L3MBTL4: variants seen among roughly 807,000 people sequenced by gnomAD.
L3MBTL4 encodes the protein L3MBTL histone methyl-lysine binding protein 4, also known as lethal(3)malignant brain tumor-like protein 4.
Under a neutral mutation model 84.5 loss-of-function variants are expected in L3MBTL4, and 70 were observed. The observed-to-expected ratio is 0.83, with a 90% CI of 0.68 to 1.01. L3MBTL4 has a LOEUF of 1.01. Among genes scored for constraint, L3MBTL4 ranks in the 50% least tolerant of loss-of-function variants. The pLI is 0.00. For synonymous variants in L3MBTL4, 274 were observed against 259.8 expected, an observed-to-expected ratio of 1.05 and a Z score of -0.52; for missense variants, 715 against 754.8, an observed-to-expected ratio of 0.95 and a Z score of 0.62.
At chr18:6,004,370 T>C (rs755070407) in intron 16 of L3MBTL4, among the ~76,000 whole-genome samples, 11 of 152,160 alleles carry the variant, frequency 7.2e-5, no homozygotes, top group Non-Finnish European at 1.3e-4. Flanking sequence ...AGTTAGGAGA[T>C]TGAGTCAGTA....
chr18:6,271,207 A>G (rs577531762), intron 4 of L3MBTL4, among the ~76,000 whole-genome samples: 1 of 152,322 alleles, frequency 6.6e-6, no homozygotes, highest in East Asian at 1.9e-4. Context: ...AGTATTGTAC[A>G]TTTCAAAACT....
chr18:6,182,976 C>G (rs1286839331), intron 12 of L3MBTL4, among the ~76,000 whole-genome samples: 1 of 152,108 alleles, frequency 6.6e-6, no homozygotes, highest in Non-Finnish European at 1.5e-5. Flanking sequence ...TGCAGAGGAC[C>G]ACTCAACTCT....
intron 1 of L3MBTL4, among the ~76,000 whole-genome samples, chr18:6,339,562 T>A (rs1210909375): frequency 1.4e-5 from 2 of 143,976 alleles, no homozygotes; most frequent in South Asian, 4.5e-4. Context: ...GAAAATCAAA[T>A]GCAAGCAAAG....
chr18:5,997,691 A>G (rs770633766), intron 16 of L3MBTL4, among the ~76,000 whole-genome samples: 2 of 152,060 alleles, frequency 1.3e-5, no homozygotes, highest in Non-Finnish European at 2.9e-5. Context: ...TGTCTCCTAA[A>G]ATGTATAAAG....
chr18:6,297,388 T>C (rs1260357913), intron 4 of L3MBTL4, among the ~76,000 whole-genome samples: 2 of 152,204 alleles, frequency 1.3e-5, no homozygotes, highest in East Asian at 1.9e-4. Flanking sequence ...ATGAAGTCTA[T>C]AGTTTAGTGA....
chr18:6,002,991 G>A (rs915830122), intron 16 of L3MBTL4, among the ~76,000 whole-genome samples: 11 of 150,184 alleles, frequency 7.3e-5, no homozygotes, highest in Admixed American at 4.0e-4. Flanking sequence ...GTTTGAAAGG[G>A]AAAAGATGTA....
At chr18:6,015,836 T>G (rs1598439083) in intron 16 of L3MBTL4, among the ~76,000 whole-genome samples, 1 of 152,290 alleles carries the variant, frequency 6.6e-6, no homozygotes, top group East Asian at 1.9e-4. Flanking sequence ...GGCATGCACC[T>G]GTAGTCCCAG....
In L3MBTL4 at chr18:6,166,233, G is replaced by C. The variant is rs2043648084; in HGVS notation, c.1096+5595C>G. ...AGACTCCCAAACAATAATAATGGGA[G>C]ACTTTAACACCCCGCTGTCAACATT... On this transcript the variant is annotated intron_variant, in intron 13 of 18. Transcript: ENST00000317931. Among the ~76,000 whole-genome samples the C allele has an allele frequency of 2.0e-5, 3 of 152,190 alleles. No homozygotes were observed. In the South Asian group the frequency reaches 6.2e-4, roughly 32 times the overall value.
intron 16 of L3MBTL4, among the ~76,000 whole-genome samples, chr18:6,006,710 T>C (rs976310346): frequency 1.3e-5 from 2 of 152,176 alleles, no homozygotes; most frequent in Admixed American, 1.3e-4. Context: ...TATTAAAGCA[T>C]GTTAAGAAAC....
intron 1 of L3MBTL4, among the ~76,000 whole-genome samples, chr18:6,341,271 G>C (rs755207199): frequency 2.0e-5 from 3 of 151,812 alleles, no homozygotes; most frequent in Admixed American, 6.6e-5. Context: ...TCCAGAGACT[G>C]ATCTTAAAAA....
At chr18:6,395,478 T>C (rs984762575) in intron 1 of L3MBTL4, 2 of 152,304 alleles carry the variant, frequency 1.3e-5, no homozygotes, top group South Asian at 2.1e-4. Flanking sequence ...AGGGAAACTT[T>C]CTCTTTTATT....
At chr18:6,072,576 C>A (rs1026657917) in intron 16 of L3MBTL4, among the ~76,000 whole-genome samples, 1 of 151,428 alleles carries the variant, frequency 6.6e-6, no homozygotes, top group Non-Finnish European at 1.5e-5. Context: ...AGCGGTGGCT[C>A]ACGCTTGTAA....
chr18:6,048,761 C>A (rs2056730583), intron 16 of L3MBTL4, among the ~76,000 whole-genome samples: 1 of 149,136 alleles, frequency 6.7e-6, no homozygotes, highest in Non-Finnish European at 1.5e-5. Flanking sequence ...TGCACTCCAG[C>A]CTGGGCAACC....
chr18:6,246,763 G>T (rs571447597), intron 5 of L3MBTL4, among the ~76,000 whole-genome samples: 2 of 152,248 alleles, frequency 1.3e-5, no homozygotes, highest in African/African-American at 4.8e-5. Flanking sequence ...AATTAGCCAG[G>T]TGTGATGGTG....
chr18:5,986,232 A>G (rs1042976448), intron 16 of L3MBTL4, among the ~76,000 whole-genome samples: 2 of 152,226 alleles, frequency 1.3e-5, no homozygotes, highest in Non-Finnish European at 1.5e-5. Flanking sequence ...AAGTCATTTC[A>G]TATACGATGG....
At chr18:6,082,055 G>A (rs888871798) in intron 15 of L3MBTL4, among the ~76,000 whole-genome samples, 6 of 152,062 alleles carry the variant, frequency 3.9e-5, no homozygotes, top group Non-Finnish European at 7.4e-5. Context: ...TTGAGTTCAC[G>A]CCTAGGATGC....
intron 15 of L3MBTL4, among the ~76,000 whole-genome samples, chr18:6,092,496 C>T (rs529226266): frequency 1.3e-5 from 2 of 152,314 alleles, no homozygotes; most frequent in African/African-American, 2.4e-5. Context: ...GAGAAGCAGT[C>T]GTCCCTTCAA....
At chr18:6,304,084 A>C (rs957759531) in intron 3 of L3MBTL4, among the ~76,000 whole-genome samples, 5 of 152,142 alleles carry the variant, frequency 3.3e-5, no homozygotes, top group Non-Finnish European at 7.4e-5. Context: ...CAGGTTTTCA[A>C]AAATGAGTCA....
At chr18:6,052,091 T>A (rs1238699710) in intron 16 of L3MBTL4, among the ~76,000 whole-genome samples, 2 of 152,224 alleles carry the variant, frequency 1.3e-5, no homozygotes. Context: ...GAAATGGGTT[T>A]TTTGAAAAGC....
Sources: gnomAD v4.1 joint callset for allele counts (sites outside exome capture counted in the v4.1 genomes callset) on GRCh38, gnomAD v4.1.1 for gene constraint, MANE v1.5 for transcripts, NCBI Gene and HGNC (gene_info 2026-07-23, HGNC 2026-07-21) for gene names.